Variants in ADRA1B observed in about 807,000 individuals in gnomAD.
The protein encoded by ADRA1B is alpha-1B adrenergic receptor.
ADRA1B carries 17 observed loss-of-function variants against 17.9 expected under a neutral mutation model. That is an observed-to-expected ratio of 0.95 (90% CI 0.65 to 1.42). The LOEUF is 1.42. Ranked by LOEUF, ADRA1B falls within the 40% of genes most tolerant of loss-of-function variation. The probability of loss-of-function intolerance (pLI) is 0.00; values close to 1 mark genes in which losing one functional copy is unlikely to be tolerated. For missense variants in ADRA1B, 681 were observed against 722.1 expected (o/e 0.94, Z 0.65); for synonymous variants, 366 against 327.6 (o/e 1.12, Z -1.27).
intron 1 of ADRA1B, among the ~76,000 whole-genome samples, chr5:159,928,215 A>C (rs1315871859): frequency 6.6e-6 from 1 of 152,154 alleles, no homozygotes; most frequent in Non-Finnish European, 1.5e-5. Flanking sequence ...GCTGTGTTTT[A>C]AGGACTTGTA....
intron 1 of ADRA1B, among the ~76,000 whole-genome samples, chr5:159,954,509 A>G (rs1755515828): frequency 6.6e-6 from 1 of 152,144 alleles, no homozygotes; most frequent in South Asian, 2.1e-4. Flanking sequence ...GGATTTTAGG[A>G]GGACAATCAC....
In ADRA1B at chr5:159,917,328, C is replaced by T. The variant is rs753953995; in HGVS notation, c.423C>T (p.Ile141=). Residue 141 remains isoleucine (I), a synonymous_variant, in exon 1 of 2, where the codon ATC becomes ATT. Transcript: ENST00000306675. ...TTCTGAGCCTGTGCGCCATCTCCATCGATCGCTACATCGGGGTGCGCTACT... is the reference window on the plus strand; with the variant it reads ...TTCTGAGCCTGTGCGCCATCTCCATTGATCGCTACATCGGGGTGCGCTACT... The part of the protein sequence containing the change: ...ASILSLCAIS[I]DRYIGVRYSL... 1.2e-6 allele frequency: 2 copies of T among 1,614,062 alleles called. No individual in the cohort carries two copies. The highest frequency in any genetic ancestry group is 1.1e-5 in the South Asian group (1 of 91,080).
At chr5:159,958,487 T>C (rs1755606844) in intron 1 of ADRA1B, among the ~76,000 whole-genome samples, 1 of 152,232 alleles carries the variant, frequency 6.6e-6, no homozygotes. Flanking sequence ...GTTTTAATAT[T>C]TACAGAGCTG....
chr5:159,922,414 A>G (rs558876100), intron 1 of ADRA1B, among the ~76,000 whole-genome samples: 1 of 152,328 alleles, frequency 6.6e-6, no homozygotes, highest in African/African-American at 2.4e-5. Flanking sequence ...ACACCAAGGA[A>G]ATGTCTGGCC....
chr5:159,891,311 A>G (rs1479147891), intron 1 of ADRA1B, among the ~76,000 whole-genome samples: 1 of 152,216 alleles, frequency 6.6e-6, no homozygotes, highest in African/African-American at 2.4e-5. Context: ...GTAAATAAAT[A>G]AAACTACACT....
intron 1 of ADRA1B, among the ~76,000 whole-genome samples, chr5:159,959,348 C>T (rs563721836): frequency 2.0e-4 from 31 of 152,228 alleles, no homozygotes; most frequent in African/African-American, 7.2e-4. Context: ...ATTATGAACC[C>T]GATACTGAGT....
chr5:159,951,606 A>G (rs1755442839), intron 1 of ADRA1B: 1 of 416,694 alleles, frequency 2.4e-6, no homozygotes, highest in Non-Finnish European at 4.5e-6. Context: ...GGATGGATAG[A>G]CGAGACCACT....
At chr5:159,953,957 G>C (rs959599838) in intron 1 of ADRA1B, among the ~76,000 whole-genome samples, 1 of 151,930 alleles carries the variant, frequency 6.6e-6, no homozygotes, top group Non-Finnish European at 1.5e-5. Flanking sequence ...CTCTCTCCCC[G>C]GCTGCCTCTC....
intron 1 of ADRA1B, among the ~76,000 whole-genome samples, chr5:159,956,142 G>A (rs1159798085): frequency 6.6e-6 from 1 of 152,162 alleles, no homozygotes; most frequent in Non-Finnish European, 1.5e-5. Flanking sequence ...TCAGAAGACT[G>A]AGGCAGGAGA....
chr5:159,886,018 C>T (rs1352466729), intron 1 of ADRA1B, among the ~76,000 whole-genome samples: 1 of 152,180 alleles, frequency 6.6e-6, no homozygotes, highest in South Asian at 2.1e-4. Flanking sequence ...AGGGTCTGCG[C>T]ATTTAATCTC....
intron 1 of ADRA1B, among the ~76,000 whole-genome samples, chr5:159,910,645 A>G (rs1237011109): frequency 6.6e-6 from 1 of 152,226 alleles, no homozygotes; most frequent in Non-Finnish European, 1.5e-5. Flanking sequence ...GCAGCCATAG[A>G]CAACACGCAA....
chr5:159,937,230 C>G (rs60546961), intron 1 of ADRA1B, among the ~76,000 whole-genome samples: 584 of 152,344 alleles, frequency 3.8e-3, no homozygotes, highest in African/African-American at 0.013. Context: ...AATCCCTGCT[C>G]GCTGGCACTT....
intron 1 of ADRA1B, among the ~76,000 whole-genome samples, chr5:159,899,315 GA>G (rs1754075816): frequency 6.6e-6 from 1 of 150,830 alleles, no homozygotes; most frequent in East Asian, 2.0e-4. Flanking sequence ...AGGAAGGAAG[GA>G]AAGAAGGAAA....
downstream of ADRA1B, among the ~76,000 whole-genome samples, chr5:159,977,885 C>T (rs948146559): frequency 1.3e-5 from 2 of 151,930 alleles, no homozygotes; most frequent in African/African-American, 4.8e-5. Context: ...CTTGTTGTCC[C>T]CTCTGCCTAG....
At chr5:159,929,781 C>T (rs1001039267) in intron 1 of ADRA1B, among the ~76,000 whole-genome samples, 2 of 151,908 alleles carry the variant, frequency 1.3e-5, no homozygotes, top group Non-Finnish European at 2.9e-5. Context: ...CTGCTGTTAC[C>T]TACCCCACAT....
At chr5:159,878,965 C>T (rs572250516) in intron 1 of ADRA1B, among the ~76,000 whole-genome samples, 71 of 152,224 alleles carry the variant, frequency 4.7e-4, no homozygotes, top group African/African-American at 1.7e-3. Context: ...TGATGTCGCT[C>T]AAAACCCAGC....
chr5:159,921,648 T>G (rs1754484612), intron 1 of ADRA1B, among the ~76,000 whole-genome samples: 1 of 152,200 alleles, frequency 6.6e-6, no homozygotes, highest in South Asian at 2.1e-4. Flanking sequence ...TCTTTTAAAA[T>G]GCTGGAAGGC....
intron 1 of ADRA1B, 58 bp downstream of exon 1, chr5:159,917,912 T>C (rs1754374902): frequency 7.0e-7 from 1 of 1,430,556 alleles, no homozygotes; most frequent in Non-Finnish European, 9.5e-7. Context: ...GGTTTACTGA[T>C]GAGCTTACTC....
Position 159,873,010 on chromosome 5 carries a change from G to A in ADRA1B, c.-256+7804G>A, listed in dbSNP as rs569807957. Among the ~76,000 whole-genome samples, 12 of 150,228 alleles carry A rather than the reference G, an allele frequency of 8.0e-5. No homozygotes were observed. The South Asian group carries it at 2.5e-3, about 32-fold the overall frequency. On this transcript the variant is annotated intron_variant, in intron 1 of 2. Coordinates refer to the ADRA1B transcript ENST00000641205. ...CTCATTGTTCAACTCCCACCTATGA[G>A]TGAGAATATGCGGTGTTTGGTTTTC...
Sources: allele counts gnomAD v4.1 joint callset (sites outside exome capture counted in the v4.1 genomes callset), GRCh38; gene constraint gnomAD v4.1.1; transcripts MANE v1.5; gene names NCBI Gene and HGNC (gene_info 2026-07-23, HGNC 2026-07-21).